Variants in MAX observed in about 807,000 individuals in gnomAD.
MAX encodes protein max.
Under a neutral mutation model 22.3 loss-of-function variants are expected in MAX, and 3 were observed. That is an observed-to-expected ratio of 0.13 (90% CI 0.06 to 0.35). The LOEUF is 0.35. Ranked by LOEUF, MAX falls within the 10% of genes least tolerant of loss-of-function variation. The pLI, the probability that MAX is intolerant of heterozygous loss-of-function variation, is 1.00. For missense variants in MAX, 119 were observed against 209.4 expected (o/e 0.57, Z 2.66); for synonymous variants, 72 against 77.7 (o/e 0.93, Z 0.39).
intron 2 of MAX, among the ~76,000 whole-genome samples, chr14:65,095,252 A>G (rs117723658): frequency 0.013 from 1,974 of 152,334 alleles, 20 homozygotes; most frequent in Non-Finnish European, 0.021. Context: ...CATGACAACC[A>G]TGGTTCTCCA....
chr14:65,085,721 G>A (rs1467579077), intron 3 of MAX, among the ~76,000 whole-genome samples: 2 of 152,284 alleles, frequency 1.3e-5, no homozygotes, highest in East Asian at 3.9e-4. Flanking sequence ...GGAGACTGAG[G>A]GAAGGGGGGA....
At chr14:65,010,268 G>C (rs143659687) in intron 3 of MAX, among the ~76,000 whole-genome samples, 9 of 152,146 alleles carry the variant, frequency 5.9e-5, no homozygotes, top group Admixed American at 5.9e-4. Flanking sequence ...TTAGAGATGG[G>C]TCTTCCCACA....
chr14:65,073,208 G>A (rs1178629758), downstream of MAX, among the ~76,000 whole-genome samples: 2 of 152,170 alleles, frequency 1.3e-5, no homozygotes, highest in Admixed American at 6.5e-5. Context: ...CACAGCCACC[G>A]AGTGGCAGAG....
At chr14:65,072,620 T>TA (rs1399744933), downstream of MAX, among the ~76,000 whole-genome samples, 10 of 152,130 alleles carry the variant, frequency 6.6e-5, no homozygotes, top group Non-Finnish European at 1.0e-4. Flanking sequence ...CACTTTAGAT[T>TA]AGAGGGGTTA....
Position 65,044,297 on chromosome 14 carries a change from C to T in MAX, c.172-38013G>A, listed in dbSNP as rs1034077816. ...TTTAGCCTACAACTGCCTTTCCCAT[C>T]TGTGTCTCCTCAGCAATGGGTGACA... On this transcript the variant is annotated intron_variant, in intron 3 of 3. Transcript: ENST00000341653. This position sits in a 1 kb window ranked among gnomAD's most constrained non-coding sequence, Gnocchi z 5.5. 1 of 1,612,238 alleles carries T rather than the reference C, an allele frequency of 6.2e-7. No individual in the cohort carries two copies. The highest frequency in any genetic ancestry group is 1.3e-5 in the African/African-American group (1 of 74,874).
chr14:65,013,054 T>C (rs2061708665), intron 3 of MAX, among the ~76,000 whole-genome samples: 2 of 152,204 alleles, frequency 1.3e-5, no homozygotes, highest in African/African-American at 4.8e-5. Context: ...AGGGTGAATG[T>C]GAACAGGAAG....
In MAX at chr14:65,026,861, C is replaced by CA. The variant is rs577920846; in HGVS notation, c.172-20578dup. The stretch of plus-strand genomic sequence containing the variant: ...TGGGCGACCGAGGGCAACCCCGCCT[C>CA]AAAAAAAAAAACAAAAAAACAAAAC... On this transcript the variant is annotated intron_variant, in intron 3 of 3. Transcript: ENST00000341653. Among the ~76,000 whole-genome samples, 298 of 135,356 alleles carry CA rather than the reference C, an allele frequency of 2.2e-3. 9 individuals carry two copies. In the South Asian group the frequency reaches 0.029, roughly 13 times the overall value. 88.8% of individuals were successfully genotyped at this position (135,356 alleles called of 152,430 possible).
Position 65,101,586 on chromosome 14 carries a change from GA to G in MAX, c.37-15del, listed in dbSNP as rs747340873. ...CGGTTGCTCTTCCTGGAATAAGAGA[GA>G]AAAAAAAAAATAGAAAATATAGAAG... On this transcript the variant is annotated splice_polypyrimidine_tract_variant and intron_variant, in intron 1 of 4. Transcript: ENST00000358664. 0.013 allele frequency: 15,714 copies of G among 1,171,082 alleles called. 1 individual carries two copies. The highest frequency in any genetic ancestry group is 0.015 in the African/African-American group (919 of 61,624). The allele number at this position is 1,171,082 out of a possible 1,614,324, so 72.5% of individuals were successfully genotyped here. A position where few individuals can be genotyped will look rare whatever the true frequency, so the allele number is the denominator to read the frequency against.
chr14:65,064,506 A>G lies in MAX; in HGVS notation c.171+29202T>C, dbSNP rs529221375. On this transcript the variant is annotated intron_variant, in intron 3 of 3. Coordinates refer to the MAX transcript ENST00000341653. ...GGGGTTGTAAAATGGCAGCACCAAT[A>G]GCTCCAGACCCTACATCCTGTTGGG... is the stretch of plus-strand genomic sequence containing the variant. Among the ~76,000 whole-genome samples, 5 of 152,320 alleles carry G rather than the reference A, an allele frequency of 3.3e-5. No individual in the cohort carries two copies. The East Asian group carries it at 9.6e-4, about 29-fold the overall frequency.
intron 3 of MAX, among the ~76,000 whole-genome samples, chr14:65,080,164 A>C (rs2063166604): frequency 6.6e-6 from 1 of 152,206 alleles, no homozygotes; most frequent in Non-Finnish European, 1.5e-5. Context: ...TTGGTGCTGC[A>C]TGTGTGCATG....
intron 3 of MAX, among the ~76,000 whole-genome samples, chr14:65,051,889 G>A (rs2062621557): frequency 1.3e-5 from 2 of 151,138 alleles, no homozygotes; most frequent in Admixed American, 1.3e-4. Context: ...CCGCCTCCTG[G>A]GTTCACGCCA....
At chr14:65,040,883 C>G (rs530614536) in intron 3 of MAX, 1 of 1,613,948 alleles carries the variant, frequency 6.2e-7, no homozygotes. Context: ...TGGTAATCCT[C>G]AAGAGGGAAC....
chr14:65,093,598 C>T lies in MAX; in HGVS notation c.171+110G>A, dbSNP rs951744550. ...GTCAAAAATAAGGCAACCATGCTAC[C>T]TGAATATCTCTGACTACATTTCCTT... On this transcript the variant is annotated intron_variant, in intron 3 of 4. Transcript: ENST00000358664. This position sits in a 1 kb window ranked among gnomAD's most constrained non-coding sequence, Gnocchi z 4.4. 8.1e-6 allele frequency: 6 copies of T among 737,920 alleles called. No homozygotes were observed. The highest frequency in any genetic ancestry group is 7.7e-5 in the Admixed American group (4 of 51,980). The allele number at this position is 737,920 out of a possible 1,614,324, so 45.7% of individuals were successfully genotyped here. A position where few individuals can be genotyped will look rare whatever the true frequency, so the allele number is the denominator to read the frequency against.
chr14:65,084,185 T>C lies in MAX; in HGVS notation c.172-6149A>G. The C allele has an allele frequency of 6.2e-7, 1 of 1,613,964 alleles. No individual in the cohort carries two copies. Among genetic ancestry groups the C allele is most frequent in the Non-Finnish European group, 8.5e-7 (1 of 1,179,846 alleles). On this transcript the variant is annotated intron_variant, in intron 3 of 4. Coordinates refer to ENST00000358664, the MANE Select transcript of MAX (RefSeq NM_002382.5). This position sits in a 1 kb window ranked among gnomAD's most constrained non-coding sequence, Gnocchi z 4.3. ...GGGGTCAAAACAATCATTTTTTAAA[T>C]CTTGCATTCTTTTTTCTTGTGCACT... is the stretch of plus-strand genomic sequence containing the variant.
At chr14:65,053,990 C>T (rs1340309707) in intron 3 of MAX, among the ~76,000 whole-genome samples, 4 of 152,128 alleles carry the variant, frequency 2.6e-5, no homozygotes, top group Non-Finnish European at 5.9e-5. Context: ...TTCCAGAAGA[C>T]AGCTGGAGAG....
chr14:65,101,435 T>C, intron 2 of MAX, 111 bp downstream of exon 2: 6 of 1,015,232 alleles, frequency 5.9e-6, no homozygotes, highest in Non-Finnish European at 9.0e-6. Context: ...TGGTTAACAT[T>C]AGAGTTTACT....
chr14:65,015,462 A>G, intron 3 of MAX: 1 of 396,264 alleles, frequency 2.5e-6, no homozygotes, highest in Non-Finnish European at 4.4e-6. Flanking sequence ...GCTCCTGGCT[A>G]AGGCCACAAA....
chr14:65,016,615 C>G (rs1055478477), intron 3 of MAX: 6 of 152,308 alleles, frequency 3.9e-5, no homozygotes, highest in Non-Finnish European at 7.3e-5. Context: ...GAGCCCCTGC[C>G]TCAGTCACAT....
At position 65,028,980 on chromosome 14, in the gene MAX, C is replaced by G. The variant is rs919020136; in HGVS notation, c.172-22696G>C. 6.6e-6 allele frequency among the ~76,000 whole-genome samples: 1 copy of G among 152,080 alleles called. No individual in the cohort carries two copies. The highest frequency in any genetic ancestry group is 2.4e-5 in the African/African-American group (1 of 41,408). On this transcript the variant is annotated intron_variant, in intron 3 of 3. Transcript: ENST00000341653. The surrounding 1 kb of genome is among the most constrained non-coding windows in gnomAD (Gnocchi z 4.4). ...GTATTTTATCATATACCTTTTGCAGCTGTGATTATTTGCTATCTTATTCAT... is the reference window on the plus strand; with the variant it reads ...GTATTTTATCATATACCTTTTGCAGGTGTGATTATTTGCTATCTTATTCAT...
Sources: gnomAD v4.1 joint callset for allele counts (sites outside exome capture counted in the v4.1 genomes callset) on GRCh38, gnomAD v4.1.1 for gene constraint, Gnocchi (gnomAD v3.1) non-coding constraint, MANE v1.5 for transcripts, NCBI Gene and HGNC (gene_info 2026-07-23, HGNC 2026-07-21) for gene names.